The following FAM3B variants were observed in gnomAD, a reference collection of about 807,000 sequenced individuals.
FAM3B encodes the protein protein FAM3B.
A neutral mutation model predicts 28.4 loss-of-function variants in FAM3B; 29 were observed. That is an observed-to-expected ratio of 1.02 (90% CI 0.76 to 1.39). The LOEUF (loss-of-function observed/expected upper bound fraction) is 1.39. Ranked by LOEUF, FAM3B falls within the 40% of genes most tolerant of loss-of-function variation. The pLI, the probability that FAM3B is intolerant of heterozygous loss-of-function variation, is 0.00. For missense variants in FAM3B, 266 were observed against 293.9 expected (o/e 0.91, Z 0.69); for synonymous variants, 91 against 103.0 (o/e 0.88, Z 0.71).
intron 1 of FAM3B, among the ~76,000 whole-genome samples, chr21:41,307,158 T>C (rs1417051591): frequency 6.6e-6 from 1 of 152,244 alleles, no homozygotes; most frequent in East Asian, 1.9e-4. Context: ...CTGGAAGACA[T>C]TCTGTAGCTT....
At chr21:41,334,063 A>G (rs1444397100) in intron 2 of FAM3B, among the ~76,000 whole-genome samples, 1 of 152,234 alleles carries the variant, frequency 6.6e-6, no homozygotes, top group African/African-American at 2.4e-5. Context: ...GCAGCAAAGC[A>G]TTTAAGATAT....
intron 3 of FAM3B, among the ~76,000 whole-genome samples, chr21:41,344,206 C>T (rs184209123): frequency 6.6e-6 from 1 of 152,344 alleles, no homozygotes; most frequent in Admixed American, 6.5e-5. Flanking sequence ...TCCCCCTAGC[C>T]ATTTGTCTAA....
intron 7 of FAM3B, among the ~76,000 whole-genome samples, chr21:41,350,805 C>G (rs962200185): frequency 6.6e-6 from 1 of 152,220 alleles, no homozygotes; most frequent in African/African-American, 2.4e-5. Context: ...TTCTCTGCTC[C>G]TTCCCCGGCT....
chr21:41,333,021 C>A (rs538192859), intron 2 of FAM3B, among the ~76,000 whole-genome samples: 1 of 150,632 alleles, frequency 6.6e-6, no homozygotes, highest in Non-Finnish European at 1.5e-5. Flanking sequence ...GATGTATAAT[C>A]TTAGGTTGTT....
At chr21:41,304,246 GGGCAT>G (rs1377073856) in exon 1 of FAM3B, 4 of 455,884 alleles carry the variant, frequency 8.8e-6, no homozygotes, top group Non-Finnish European at 1.8e-5. Flanking sequence ...TGGGCTCGGC[GGGCAT>G]GGCTGGGGCA....
intron 2 of FAM3B, among the ~76,000 whole-genome samples, chr21:41,327,957 T>A (rs1478140404): frequency 1.3e-5 from 2 of 152,240 alleles, no homozygotes; most frequent in Non-Finnish European, 2.9e-5. Flanking sequence ...GCGCGAGTCC[T>A]CTTCACCCTC....
chr21:41,308,130 T>A (rs547293170), intron 1 of FAM3B, among the ~76,000 whole-genome samples: 31 of 152,252 alleles, frequency 2.0e-4, no homozygotes, highest in Non-Finnish European at 3.7e-4. Context: ...TCAGCCAGTT[T>A]TTCTCTTGAT....
At chr21:41,308,597 T>C (rs2088694177) in intron 1 of FAM3B, among the ~76,000 whole-genome samples, 1 of 147,392 alleles carries the variant, frequency 6.8e-6, no homozygotes, top group African/African-American at 2.5e-5. Flanking sequence ...TGGAGTGCAG[T>C]GGTGTGATCT....
At chr21:41,332,781 G>A (rs571826690) in intron 2 of FAM3B, among the ~76,000 whole-genome samples, 85 of 152,124 alleles carry the variant, frequency 5.6e-4, no homozygotes, top group Non-Finnish European at 7.4e-4. Context: ...TGGTATCAGC[G>A]GTGATATCTG....
At chr21:41,348,916 A>G (rs1287634457) in intron 7 of FAM3B, among the ~76,000 whole-genome samples, 192 bp downstream of exon 7, 2 of 152,218 alleles carry the variant, frequency 1.3e-5, no homozygotes, top group East Asian at 1.9e-4. Context: ...AAAATTCTGA[A>G]TGGGCTGTTG....
At chr21:41,315,233 G>T (rs990308599), upstream of FAM3B, among the ~76,000 whole-genome samples, 13 of 152,124 alleles carry the variant, frequency 8.5e-5, no homozygotes, top group African/African-American at 3.1e-4. Context: ...TATCTAGAGT[G>T]CTCAACTTCA....
At chr21:41,312,137 G>C (rs774291527), upstream of FAM3B, among the ~76,000 whole-genome samples, 57 of 152,228 alleles carry the variant, frequency 3.7e-4, no homozygotes, top group Non-Finnish European at 7.1e-4. Flanking sequence ...TGAGATTTGT[G>C]TGGGGACACA....
At chr21:41,356,076 CACACACACAT>C (rs1439125760) in intron 7 of FAM3B, among the ~76,000 whole-genome samples, 1,980 of 150,590 alleles carry the variant, frequency 0.013, 44 homozygotes, top group African/African-American at 0.046. Context: ...CACACACACA[CACACACACAT>C]AGTTTTACTC....
At chr21:41,349,904 G>A (rs920427453) in intron 7 of FAM3B, among the ~76,000 whole-genome samples, 4 of 152,220 alleles carry the variant, frequency 2.6e-5, no homozygotes, top group Non-Finnish European at 5.9e-5. Flanking sequence ...GAACGTGTAG[G>A]GAATGTTTCC....
chr21:41,347,011 A>G lies in FAM3B; in HGVS notation c.398-2A>G. ...CTAAAACTGACTTGCATCCCCCAATAGATAACTCTGGACCGATGACAAAGT... is the reference window on the plus strand; with the variant it reads ...CTAAAACTGACTTGCATCCCCCAATGGATAACTCTGGACCGATGACAAAGT... On this transcript the variant is annotated splice_acceptor_variant, in intron 5 of 7. Transcript: ENST00000357985. LOFTEE classifies it high-confidence loss of function. The G allele has an allele frequency of 6.2e-7, 1 of 1,614,062 alleles. No individual in the cohort carries two copies. The highest frequency in any genetic ancestry group is 1.7e-5 in the Admixed American group (1 of 60,020).
intron 2 of FAM3B, among the ~76,000 whole-genome samples, chr21:41,327,294 T>A (rs1203225395): frequency 1.3e-5 from 2 of 152,262 alleles, no homozygotes; most frequent in African/African-American, 4.8e-5. Context: ...TCCTTGGCTT[T>A]GTTATTCTCT....
intron 1 of FAM3B, among the ~76,000 whole-genome samples, chr21:41,304,934 T>A (rs2088674973): frequency 6.6e-6 from 1 of 152,124 alleles, no homozygotes; most frequent in African/African-American, 2.4e-5. Flanking sequence ...GAGGAGAATT[T>A]GAGATCCAAG....
At chr21:41,330,891 C>A (rs1435414293) in intron 2 of FAM3B, among the ~76,000 whole-genome samples, 1 of 152,232 alleles carries the variant, frequency 6.6e-6, no homozygotes, top group Non-Finnish European at 1.5e-5. Flanking sequence ...GTGAATAATG[C>A]TGCAGTGAAC....
intron 3 of FAM3B, among the ~76,000 whole-genome samples, chr21:41,339,440 G>C (rs1284237771): frequency 2.6e-5 from 4 of 152,164 alleles, no homozygotes; most frequent in Non-Finnish European, 4.4e-5. Context: ...CCAAGATCTA[G>C]ACACTCATGG....
Sources: gnomAD v4.1 joint callset for allele counts (sites outside exome capture counted in the v4.1 genomes callset) on GRCh38, gnomAD v4.1.1 for gene constraint, MANE v1.5 for transcripts, NCBI Gene and HGNC (gene_info 2026-07-23, HGNC 2026-07-21) for gene names.